Variants in RIC1 observed in about 807,000 individuals in gnomAD.
RIC1 encodes the protein guanine nucleotide exchange factor subunit RIC1.
A neutral mutation model predicts 169.0 loss-of-function variants in RIC1; 88 were observed. The observed-to-expected ratio is 0.52, with a 90% CI of 0.44 to 0.62. The LOEUF (loss-of-function observed/expected upper bound fraction) is 0.62, where lower values mean the gene tolerates loss of function less well. RIC1 is among the 20% of genes least tolerant of loss of function. The pLI, the probability that RIC1 is intolerant of heterozygous loss-of-function variation, is 0.00. For missense variants in RIC1, 1,877 were observed against 1,725.5 expected (o/e 1.09, Z -1.56); for synonymous variants, 790 against 601.5 (o/e 1.31, Z -4.59).
chr9:5,722,668 T>G (rs538790490), intron 6 of RIC1, among the ~76,000 whole-genome samples: 1 of 152,240 alleles, frequency 6.6e-6, no homozygotes, highest in East Asian at 1.9e-4. Context: ...TAACTCGTCA[T>G]TTACATTAGG....
Position 5,769,177 on chromosome 9 carries a change from C to T in RIC1, c.3345C>T (p.His1115=), listed in dbSNP as rs1415137830. 1 of 1,613,978 alleles carries T rather than the reference C, an allele frequency of 6.2e-7. No individual in the cohort carries two copies. The highest frequency in any genetic ancestry group is 8.5e-7 in the Non-Finnish European group (1 of 1,179,984). ...TTGTAATAGCCCTGAAGAGACTCCA[C>T]AAAGATTTCCTGTGGCCACTTCCAA... ...DNFVIALKRL[H]KDFLWPLPII... is the part of the protein sequence containing the mutation. The change falls in exon 22 of 26, where the codon CAC becomes CAT. Residue 1115 remains histidine (H), a synonymous_variant. Coordinates refer to ENST00000414202, the MANE Select transcript of RIC1 (RefSeq NM_020829.4).
At chr9:5,728,957 CTG>C (rs1824181812) in intron 6 of RIC1, among the ~76,000 whole-genome samples, 1 of 152,108 alleles carries the variant, frequency 6.6e-6, no homozygotes, top group African/African-American at 2.4e-5. Flanking sequence ...GATGAGCTGA[CTG>C]AGTTATTTAC....
intron 17 of RIC1, among the ~76,000 whole-genome samples, chr9:5,758,237 A>G (rs1263897500): frequency 1.3e-5 from 2 of 152,164 alleles, no homozygotes. Flanking sequence ...CAGGGTAAGA[A>G]GTAGGGCGAC....
chr9:5,685,782 T>A (rs1332186765), intron 2 of RIC1, among the ~76,000 whole-genome samples: 7 of 141,140 alleles, frequency 5.0e-5, no homozygotes, highest in Non-Finnish European at 1.1e-4. Context: ...AAATGGGATG[T>A]AATTCAACTA....
At chr9:5,720,397 T>C (rs888666118) in intron 5 of RIC1, 73 bp downstream of exon 5, 1 of 1,430,180 alleles carries the variant, frequency 7.0e-7, no homozygotes, top group Non-Finnish European at 9.6e-7. Flanking sequence ...CTTCTATGGA[T>C]GAACACTTCT....
intron 2 of RIC1, among the ~76,000 whole-genome samples, chr9:5,666,854 T>G (rs1180780497): frequency 1.3e-5 from 2 of 152,236 alleles, no homozygotes; most frequent in African/African-American, 4.8e-5. Flanking sequence ...TTTTAGAACT[T>G]TGTCAGTTTC....
intron 17 of RIC1, 76 bp from the exon 18 acceptor site, chr9:5,762,465 C>A (rs936916043): frequency 5.6e-5 from 87 of 1,553,774 alleles, no homozygotes; most frequent in South Asian, 1.9e-4. Flanking sequence ...ACCTATAAAC[C>A]TTATGGATTG....
intron 1 of RIC1, among the ~76,000 whole-genome samples, chr9:5,647,148 C>A (rs1818558274): frequency 6.6e-6 from 1 of 152,072 alleles, no homozygotes; most frequent in Admixed American, 6.6e-5. Flanking sequence ...TTTCTGGACT[C>A]TGTGTTTTAT....
intron 8 of RIC1, among the ~76,000 whole-genome samples, chr9:5,741,324 A>G (rs1422247434): frequency 6.6e-6 from 1 of 152,114 alleles, no homozygotes; most frequent in African/African-American, 2.4e-5. Flanking sequence ...TTGTTTTTCA[A>G]ATCCTGCTTG....
intron 1 of RIC1, among the ~76,000 whole-genome samples, chr9:5,641,737 C>T (rs1257642897): frequency 1.6e-5 from 2 of 122,052 alleles, no homozygotes. Context: ...TTGTTGGTTG[C>T]ATTTTTCAAC....
At chr9:5,670,808 A>C (rs1031810416) in intron 2 of RIC1, among the ~76,000 whole-genome samples, 3 of 152,322 alleles carry the variant, frequency 2.0e-5, no homozygotes, top group Admixed American at 2.0e-4. Flanking sequence ...TATTCAAATA[A>C]GTCTTCCCCA....
Position 5,753,548 on chromosome 9 carries a change from G to A in RIC1, c.1504G>A (p.Asp502Asn). Residue 502 changes from aspartate (D) to asparagine (N), a missense_variant, in exon 14 of 26, where the codon GAT becomes AAT. Around this residue, in one of 3 missense-constraint regions of RIC1, gnomAD observed 1,104 missense variants for 992.0 expected, o/e 1.11. Transcript: ENST00000414202. ...SNWPIRFSAIDKLGQNIAVVG... is the reference protein window; with the variant it reads ...SNWPIRFSAINKLGQNIAVVG... ...TTTTTTTAAACAGTTTTCAGCTATT[G>A]ATAAGCTTGGACAGAATATTGCTGT... 6.3e-7 allele frequency: 1 copy of A among 1,597,154 alleles called. No individual in the cohort carries two copies. Among genetic ancestry groups the A allele is most frequent in the Non-Finnish European group, 8.5e-7 (1 of 1,172,314 alleles).
intron 8 of RIC1, among the ~76,000 whole-genome samples, chr9:5,740,018 G>A (rs1489178054): frequency 6.6e-6 from 1 of 152,100 alleles, no homozygotes; most frequent in African/African-American, 2.4e-5. Context: ...CCTCACTCAG[G>A]GCAATCTTAG....
intron 3 of RIC1, chr9:5,713,670 C>G: frequency 3.4e-6 from 1 of 290,522 alleles, no homozygotes; most frequent in Non-Finnish European, 6.4e-6. Flanking sequence ...TGCTCTTCTT[C>G]CCACCCTCCT....
intron 3 of RIC1, among the ~76,000 whole-genome samples, chr9:5,707,314 AG>A (rs775728835): frequency 6.6e-6 from 1 of 152,074 alleles, no homozygotes; most frequent in Non-Finnish European, 1.5e-5. Flanking sequence ...TCTGTCTTGG[AG>A]AATGTTCCAT....
intron 23 of RIC1, among the ~76,000 whole-genome samples, chr9:5,770,626 CAA>C (rs1223820217): frequency 6.6e-6 from 1 of 152,168 alleles, no homozygotes; most frequent in Non-Finnish European, 1.5e-5. Context: ...TGGATCATAA[CAA>C]ATTTTACTGC....
intron 8 of RIC1, 73 bp downstream of exon 8, chr9:5,738,611 T>C (rs1824883416): frequency 1.1e-6 from 1 of 908,168 alleles, no homozygotes; most frequent in African/African-American, 1.7e-5. Flanking sequence ...CAGATGCTGA[T>C]TTTAAGTTAA....
In RIC1 at chr9:5,630,507, C is replaced by T. The variant is rs117720211; in HGVS notation, c.144+1054C>T. 9.4e-3 allele frequency among the ~76,000 whole-genome samples: 1,427 copies of T among 152,286 alleles called. 30 individuals carry two copies. Among genetic ancestry groups the T allele is most frequent in the Admixed American group, 0.035 (540 of 15,292 alleles). On this transcript the variant is annotated intron_variant, in intron 1 of 25. Coordinates refer to ENST00000414202, the MANE Select transcript of RIC1 (RefSeq NM_020829.4). Reference sequence around the variant, plus strand: ...ATCTTTGTGTGTTGCTGTTCCATTACCTGTAATGCCCTTGACAGTCCTCAC... The same window carrying T: ...ATCTTTGTGTGTTGCTGTTCCATTATCTGTAATGCCCTTGACAGTCCTCAC...
intron 2 of RIC1, among the ~76,000 whole-genome samples, chr9:5,671,001 C>G (rs1820057864): frequency 6.6e-6 from 1 of 152,074 alleles, no homozygotes. Context: ...GTCAGAAATG[C>G]AAAAACCTGA....
Sources: allele counts gnomAD v4.1 joint callset (sites outside exome capture counted in the v4.1 genomes callset), GRCh38; gene constraint gnomAD v4.1.1; regional missense constraint gnomAD v4.1.1; transcripts MANE v1.5; gene names NCBI Gene and HGNC (gene_info 2026-07-23, HGNC 2026-07-21).